HNRNPC: variants seen among roughly 807,000 people sequenced by gnomAD.
The protein encoded by HNRNPC is heterogeneous nuclear ribonucleoprotein C, also known as heterogeneous nuclear ribonucleoproteins C1/C2.
HNRNPC carries 3 observed loss-of-function variants against 33.2 expected under a neutral mutation model. The observed-to-expected ratio is 0.09, with a 90% CI of 0.04 to 0.23. HNRNPC has a LOEUF of 0.23. Among genes scored for constraint, HNRNPC ranks in the 10% least tolerant of loss-of-function variants. HNRNPC has a pLI of 1.00. For synonymous variants in HNRNPC, 121 were observed against 126.7 expected, an observed-to-expected ratio of 0.96 and a Z score of 0.30; for missense variants, 143 against 366.7, an observed-to-expected ratio of 0.39 and a Z score of 4.98.
At chr14:21,228,375 A>C (rs1353343864) in intron 5 of HNRNPC, among the ~76,000 whole-genome samples, 1 of 152,108 alleles carries the variant, frequency 6.6e-6, no homozygotes. Flanking sequence ...TTCAACTGGA[A>C]GTTCTCCATT....
intron 5 of HNRNPC, among the ~76,000 whole-genome samples, chr14:21,228,238 C>A (rs1358175836): frequency 1.3e-5 from 2 of 152,182 alleles, no homozygotes; most frequent in African/African-American, 4.8e-5. Context: ...TACTGGAATG[C>A]TAAGCTTGTC....
At chr14:21,214,795 A>T (rs1891981734) in intron 5 of HNRNPC, among the ~76,000 whole-genome samples, 1 of 152,220 alleles carries the variant, frequency 6.6e-6, no homozygotes, top group South Asian at 2.1e-4. Flanking sequence ...TCAGAAACTC[A>T]TATCCTTTGT....
intron 2 of HNRNPC, among the ~76,000 whole-genome samples, chr14:21,237,217 AG>A (rs1425878655): frequency 1.3e-5 from 2 of 152,224 alleles, no homozygotes; most frequent in Non-Finnish European, 2.9e-5. Context: ...TCTCACCAAA[AG>A]GTAACAACCA....
At chr14:21,242,637 T>C (rs1895496530) in intron 2 of HNRNPC, among the ~76,000 whole-genome samples, 1 of 152,224 alleles carries the variant, frequency 6.6e-6, no homozygotes, top group Admixed American at 6.5e-5. Context: ...ACTCTATAAT[T>C]ACATAGGGGG....
intron 2 of HNRNPC, among the ~76,000 whole-genome samples, chr14:21,245,421 C>CG (rs371141976): frequency 6.6e-6 from 1 of 152,012 alleles, no homozygotes; most frequent in Non-Finnish European, 1.5e-5. Flanking sequence ...CGCTTGAACC[C>CG]GGGGGGTGGA....
chr14:21,245,021 G>A (rs187958873), intron 2 of HNRNPC, among the ~76,000 whole-genome samples: 5 of 143,240 alleles, frequency 3.5e-5, no homozygotes, highest in South Asian at 2.3e-4. Flanking sequence ...GGAGGCAGAC[G>A]TAGCACTGAG....
chr14:21,233,926 ACAT>A, intron 3 of HNRNPC, 24 bp downstream of exon 3: 5 of 1,609,392 alleles, frequency 3.1e-6, no homozygotes, highest in Non-Finnish European at 2.5e-6. Flanking sequence ...GGCCTGAATT[ACAT>A]CATCAATGAA....
intron 1 of HNRNPC, among the ~76,000 whole-genome samples, chr14:21,268,364 C>G (rs758980644): frequency 8.5e-5 from 13 of 152,130 alleles, no homozygotes; most frequent in African/African-American, 1.2e-4. Flanking sequence ...AAAAAATTCT[C>G]AAGTCTCGTA....
chr14:21,228,086 G>T (rs572443283), intron 5 of HNRNPC, among the ~76,000 whole-genome samples: 2 of 152,260 alleles, frequency 1.3e-5, no homozygotes, highest in African/African-American at 4.8e-5. Flanking sequence ...GGAGAAGCTG[G>T]CATGAGTATA....
In HNRNPC at chr14:21,260,898, G is replaced by A. The variant is rs150453117; in HGVS notation, c.-37+2413C>T. On this transcript the variant is annotated intron_variant, in intron 2 of 8. Coordinates refer to ENST00000553300, the MANE Select transcript of HNRNPC (RefSeq NM_004500.4). Reference sequence around the variant, plus strand: ...GAATCGCTTGAACCCGGGAGGTGGAGGTTGCAGTGACCCAAGATGGCACCA... The same window carrying A: ...GAATCGCTTGAACCCGGGAGGTGGAAGTTGCAGTGACCCAAGATGGCACCA... Among the ~76,000 whole-genome samples, 1,224 of 150,860 alleles carry A rather than the reference G, an allele frequency of 8.1e-3. 19 individuals are homozygous for A. The highest frequency in any genetic ancestry group is 0.028 in the African/African-American group (1,167 of 40,966).
chr14:21,239,517 CTATT>C (rs1373576202), intron 2 of HNRNPC, among the ~76,000 whole-genome samples: 1 of 151,790 alleles, frequency 6.6e-6, no homozygotes, highest in Non-Finnish European at 1.5e-5. Context: ...ACCTTAGGTG[CTATT>C]TCTTTCTTAA....
At chr14:21,238,900 G>A (rs1342792307) in intron 2 of HNRNPC, among the ~76,000 whole-genome samples, 1 of 152,192 alleles carries the variant, frequency 6.6e-6, no homozygotes, top group African/African-American at 2.4e-5. Flanking sequence ...ACTGAGGCAG[G>A]CAGTTCACAT....
At chr14:21,238,956 A>G (rs1895035813) in intron 2 of HNRNPC, among the ~76,000 whole-genome samples, 1 of 152,054 alleles carries the variant, frequency 6.6e-6, no homozygotes, top group African/African-American at 2.4e-5. Flanking sequence ...GTGAAACCCC[A>G]TCTCTACTAA....
chr14:21,230,232 C>T, intron 5 of HNRNPC, 87 bp downstream of exon 5: 2 of 906,154 alleles, frequency 2.2e-6, no homozygotes, highest in Admixed American at 4.6e-5. Flanking sequence ...TTGAAAACAT[C>T]TTTGATGTTC....
chr14:21,232,604 G>A (rs978450287), intron 3 of HNRNPC, among the ~76,000 whole-genome samples: 4 of 152,110 alleles, frequency 2.6e-5, no homozygotes, highest in African/African-American at 9.7e-5. Flanking sequence ...CTGACCTCAT[G>A]GCCTGCCCAA....
At chr14:21,212,861 A>G in intron 6 of HNRNPC, 99 bp downstream of exon 6, 2 of 1,447,092 alleles carry the variant, frequency 1.4e-6, no homozygotes, top group Middle Eastern at 2.4e-4. Flanking sequence ...ATTATTTTGA[A>G]TACACAAAGT....
intron 2 of HNRNPC, among the ~76,000 whole-genome samples, chr14:21,253,461 C>CAAA (rs71112561): frequency 1.0e-3 from 77 of 77,208 alleles, no homozygotes; most frequent in African/African-American, 1.6e-3. Flanking sequence ...GACTCCATCT[C>CAAA]AAAAAAAAAA....
intron 2 of HNRNPC, among the ~76,000 whole-genome samples, chr14:21,247,603 A>C (rs758980336): frequency 2.0e-5 from 3 of 152,156 alleles, no homozygotes; most frequent in Non-Finnish European, 4.4e-5. Flanking sequence ...ATAAATCAAA[A>C]TTTTAGGTAA....
At chr14:21,259,544 A>G (rs1257345433) in intron 2 of HNRNPC, among the ~76,000 whole-genome samples, 1 of 152,116 alleles carries the variant, frequency 6.6e-6, no homozygotes, top group Non-Finnish European at 1.5e-5. Context: ...CCCTCAAACT[A>G]TAATCTGCTC....
Sources: allele counts gnomAD v4.1 joint callset (sites outside exome capture counted in the v4.1 genomes callset), GRCh38; gene constraint gnomAD v4.1.1; transcripts MANE v1.5; gene names NCBI Gene and HGNC (gene_info 2026-07-23, HGNC 2026-07-21).